TNN: variants seen among roughly 807,000 people sequenced by gnomAD.
TNN encodes the protein tenascin N, also known as tenascin-N.
Under a neutral mutation model 134.4 loss-of-function variants are expected in TNN, and 122 were observed. The ratio of observed to expected loss-of-function variants is 0.91; its 90% confidence interval spans 0.78 to 1.06. The LOEUF is 1.06. Among genes scored for constraint, TNN ranks in the 50% least tolerant of loss-of-function variants. The pLI, the probability that TNN is intolerant of heterozygous loss-of-function variation, is 0.00. For missense variants in TNN, 1,739 were observed against 1,699.4 expected, an observed-to-expected ratio of 1.02 and a Z score of -0.41; for synonymous variants, 710 against 670.3, an observed-to-expected ratio of 1.06 and a Z score of -0.91.
At position 175,101,446 on chromosome 1, in the gene TNN, C is replaced by T. The variant is rs553069930; in HGVS notation, c.2119+2851C>T. Among the ~76,000 whole-genome samples, 327 of 150,482 alleles carry T rather than the reference C, an allele frequency of 2.2e-3. 1 individual carries two copies. The highest frequency in any genetic ancestry group is 7.7e-3 in the African/African-American group (318 of 41,116). ...CAGTAGCAAGATTTATTGCAAAGAG[C>T]GAAAGAACAAAGCTTCCACAGTGTG... On this transcript the variant is annotated intron_variant, in intron 9 of 18. Coordinates refer to ENST00000239462, the MANE Select transcript of TNN (RefSeq NM_022093.2).
In TNN at chr1:175,090,994, A is replaced by AT. The variant is rs1308443073; in HGVS notation, c.1325-2993dup. Among the ~76,000 whole-genome samples, 11 of 152,312 alleles carry AT rather than the reference A, an allele frequency of 7.2e-5. No homozygotes were observed. The East Asian group carries it at 2.1e-3, about 29-fold the overall frequency. ...AGGCTACAGCTGTGGCTAATCTGTG[A>AT]TTTAGCCAGCTGCTGCAGCTGCTGA... On this transcript the variant is annotated intron_variant, in intron 6 of 18. Transcript: ENST00000239462.
At position 175,080,355 on chromosome 1, in the gene TNN, A is replaced by G; in HGVS notation, c.977A>G (p.Lys326Arg). The G allele has an allele frequency of 6.2e-7, 1 of 1,614,120 alleles. No individual in the cohort carries two copies. The highest frequency in any genetic ancestry group is 8.5e-7 in the Non-Finnish European group (1 of 1,180,004). Reference sequence around the variant, plus strand: ...ATTCTTGGTTTGCTGCCTGGAACCAAGTACATAGTCACCCTGCGTAACGTC... The same window carrying G: ...ATTCTTGGTTTGCTGCCTGGAACCAGGTACATAGTCACCCTGCGTAACGTC... The part of the protein sequence containing the change: ...YEILGLLPGT[K>R]YIVTLRNVKN... Residue 326 changes from lysine (K) to arginine (R), a missense_variant, in exon 4 of 19, where the codon AAG becomes AGG. Coordinates refer to ENST00000239462, the MANE Select transcript of TNN (RefSeq NM_022093.2).
At position 175,128,601 on chromosome 1, in the gene TNN, C is replaced by A. The variant is rs148343929; in HGVS notation, c.3185C>A (p.Ala1062Asp). 27 of 1,609,828 alleles carry A rather than the reference C, an allele frequency of 1.7e-5. No homozygotes were observed. In the African/African-American group the frequency reaches 3.5e-4, roughly 21 times the overall value. The change falls in exon 15 of 19, where the codon GCC becomes GAC. Residue 1062 changes from alanine (A) to aspartate (D), a missense_variant. Physicochemically the swap from Ala to Asp is moderately radical, Grantham distance 126. Transcript: ENST00000239462. ...CTCTCTGCTTGGCTCCCAGTTGGTGCCCGTTTCCCACACCCTTCGGACTGC... is the reference window on the plus strand; with the variant it reads ...CTCTCTGCTTGGCTCCCAGTTGGTGACCGTTTCCCACACCCTTCGGACTGC... ...NVSTTLSTVG[A>D]RFPHPSDCSQ...
Position 175,145,552 on chromosome 1 carries a change from C to CAAAAAAAAAAAG in TNN, c.3759+1013_3759+1014insGAAAAAAAAAAA, listed in dbSNP as rs1676042889. Among the ~76,000 whole-genome samples, 3 of 28,912 alleles carry CAAAAAAAAAAAG rather than the reference C, an allele frequency of 1.0e-4. No individual in the cohort carries two copies. In the East Asian group the frequency reaches 3.1e-3, roughly 29 times the overall value. The allele number at this position is 28,912 out of a possible 152,430, so 19.0% of individuals were successfully genotyped here. On this transcript the variant is annotated intron_variant, in intron 18 of 18. Coordinates refer to ENST00000239462, the MANE Select transcript of TNN (RefSeq NM_022093.2). ...TGGGTGGCAGAGCAAGACCCTGTCT[C>CAAAAAAAAAAAG]AAAAAAAAAAAAAAAAAAAAAAAGC...
rs1450539865 is a variant in TNN at position 175,094,023 on chromosome 1, G to A, written c.1358G>A (p.Arg453Gln). The A allele has an allele frequency of 3.1e-6, 5 of 1,609,118 alleles. No homozygotes were observed. The highest frequency in any genetic ancestry group is 3.3e-4 in the Middle Eastern group (2 of 6,038). Residue 453 changes from arginine (R) to glutamine (Q), a missense_variant, in exon 7 of 19, where the codon CGA becomes CAA. Transcript: ENST00000239462. The stretch of plus-strand genomic sequence containing the variant: ...AGTCCAACCAATGTTGTCACTGATC[G>A]AGTGACTGAAGACACAGCAACTGTC... ...IDSPTNVVTD[R>Q]VTEDTATVSW...
intron 6 of TNN, among the ~76,000 whole-genome samples, chr1:175,090,289 G>A (rs1215404980): frequency 6.6e-6 from 1 of 152,196 alleles, no homozygotes; most frequent in African/African-American, 2.4e-5. Context: ...ACCTCTCTGA[G>A]TGCATTTTCT....
chr1:175,119,683 G>C (rs1172543754), intron 11 of TNN, among the ~76,000 whole-genome samples: 1 of 145,922 alleles, frequency 6.9e-6, no homozygotes, highest in African/African-American at 2.6e-5. Context: ...CGCCCAGGCT[G>C]GAGTGCAGTG....
Position 175,083,951 on chromosome 1 carries a change from G to A in TNN, c.1234+16G>A, listed in dbSNP as rs760809335. On this transcript the variant is annotated intron_variant, in intron 5 of 18. Coordinates refer to ENST00000239462, the MANE Select transcript of TNN (RefSeq NM_022093.2). ...GACATCACTGGTAAGAGCCATCACT[G>A]GAATGTGAGATGTATGCTGTGGATG... is the stretch of plus-strand genomic sequence containing the variant. 1.2e-5 allele frequency: 20 copies of A among 1,612,584 alleles called. No homozygotes were observed. The South Asian group carries it at 2.1e-4, about 17-fold the overall frequency.
At position 175,098,583 on chromosome 1, in the gene TNN, A is replaced by C; in HGVS notation, c.2107A>C (p.Lys703Gln). 1 of 1,614,096 alleles carries C rather than the reference A, an allele frequency of 6.2e-7. No individual in the cohort carries two copies. Among genetic ancestry groups the C allele is most frequent in the South Asian group, 1.1e-5 (1 of 91,076 alleles). ...GDQESKKADT[K>Q]AQTDIDSPQN... ...CCAGGAGAGCAAGAAGGCCGACACC[A>C]AGGCCCAGACAGGTAAGGAGTGTGC... Residue 703 changes from lysine (K) to glutamine (Q), a missense_variant, in exon 9 of 19, where the codon AAG (lysine) becomes CAG (glutamine). Transcript: ENST00000239462.
intron 15 of TNN, among the ~76,000 whole-genome samples, chr1:175,129,119 T>G (rs909901466): frequency 6.6e-6 from 1 of 152,234 alleles, no homozygotes; most frequent in Non-Finnish European, 1.5e-5. Flanking sequence ...TGTTTATATA[T>G]AGGATAAAAA....
At position 175,136,962 on chromosome 1, in the gene TNN, C is replaced by G. The variant is rs143003001; in HGVS notation, c.3569C>G (p.Thr1190Arg). The change falls in exon 17 of 19, where the codon ACA becomes AGA. Residue 1190 changes from threonine to arginine, a missense_variant. Transcript: ENST00000239462. ...TCCAGCAAGGAGCGGTATAAGCTGA[C>G]AGTTGGGAAATACAGAGGCACGGCA... ...VASSKERYKL[T>R]VGKYRGTAGD... 6.2e-7 allele frequency: 1 copy of G among 1,613,946 alleles called. No individual in the cohort carries two copies.
intron 9 of TNN, among the ~76,000 whole-genome samples, chr1:175,111,805 T>C (rs1675035620): frequency 6.6e-6 from 1 of 152,104 alleles, no homozygotes; most frequent in South Asian, 2.1e-4. Flanking sequence ...AGTTCATTGC[T>C]GGTATATAGA....
rs528415532 is a variant in TNN, at chr1:175,111,164, A to C, written c.2120-5775A>C. Among the ~76,000 whole-genome samples, 4 of 152,324 alleles carry C rather than the reference A, an allele frequency of 2.6e-5. No individual in the cohort carries two copies. The South Asian group carries it at 8.3e-4, about 32-fold the overall frequency. On this transcript the variant is annotated intron_variant, in intron 9 of 18. Transcript: ENST00000239462. ...GAAACTCCGTCTCTACTATAAATAC[A>C]AAAATTAGCTGAATGTGGTGGCAGG... is the stretch of plus-strand genomic sequence containing the variant.
chr1:175,077,535 G>C lies in TNN; in HGVS notation c.117G>C (p.Gln39His), dbSNP rs773519146. 1.1e-5 allele frequency: 18 copies of C among 1,614,024 alleles called. No individual in the cohort carries two copies. The highest frequency in any genetic ancestry group is 1.7e-5 in the Admixed American group (1 of 60,008). ...CCGGCTGCAGCAACAAGGAGCAACA[G>C]GTCACTGTCAGCCACACCTACAAGA... is the stretch of plus-strand genomic sequence containing the variant. ...EPPGCSNKEQQVTVSHTYKID... is the reference protein window; with the variant it reads ...EPPGCSNKEQHVTVSHTYKID... The change falls in exon 2 of 19, where the codon CAG becomes CAC. Residue 39 changes from glutamine to histidine, a missense_variant. Coordinates refer to ENST00000239462, the MANE Select transcript of TNN (RefSeq NM_022093.2).
intron 1 of TNN, among the ~76,000 whole-genome samples, chr1:175,076,194 G>A (rs1674035580): frequency 6.6e-6 from 1 of 152,172 alleles, no homozygotes; most frequent in African/African-American, 2.4e-5. Flanking sequence ...TGGCTGGAGA[G>A]AGTAATTCTG....
At chr1:175,144,322 C>G (rs1432677375) in intron 17 of TNN, 65 bp from the exon 18 acceptor site, 1 of 1,486,470 alleles carries the variant, frequency 6.7e-7, no homozygotes, top group African/African-American at 1.4e-5. Context: ...CCTGCTGGGT[C>G]CTCTTTTGAT....
rs1674893566 is a variant in TNN at position 175,107,603 on chromosome 1, G to A, written c.2119+9008G>A. Among the ~76,000 whole-genome samples the A allele has an allele frequency of 2.1e-5, 3 of 145,448 alleles. No individual in the cohort carries two copies. In the South Asian group the frequency reaches 7.0e-4, roughly 34 times the overall value. On this transcript the variant is annotated intron_variant, in intron 9 of 18. Coordinates refer to ENST00000239462, the MANE Select transcript of TNN (RefSeq NM_022093.2). ...GCAGTAGCAAGATTTATTGCAAAGA[G>A]CGAAAGAACAAAGCTTCCACAGTGT...
At chr1:175,143,179 C>T (rs546835982) in intron 17 of TNN, among the ~76,000 whole-genome samples, 1 of 152,272 alleles carries the variant, frequency 6.6e-6, no homozygotes, top group East Asian at 1.9e-4. Flanking sequence ...ATTTGTTTCC[C>T]CACGGGACTA....
chr1:175,140,159 T>C (rs1365478125), intron 17 of TNN, among the ~76,000 whole-genome samples: 2 of 152,246 alleles, frequency 1.3e-5, no homozygotes, highest in Non-Finnish European at 2.9e-5. Flanking sequence ...TTTGGTATAA[T>C]ACAGTACACA....
Sources: gnomAD v4.1 joint callset for allele counts (sites outside exome capture counted in the v4.1 genomes callset) on GRCh38, gnomAD v4.1.1 for gene constraint, MANE v1.5 for transcripts, NCBI Gene and HGNC (gene_info 2026-07-23, HGNC 2026-07-21) for gene names.